The following ANKRD55 variants were observed in gnomAD, a reference collection of about 807,000 sequenced individuals.
The protein encoded by ANKRD55 is ankyrin repeat domain-containing protein 55.
A neutral mutation model predicts 60.6 loss-of-function variants in ANKRD55; 41 were observed. The ratio of observed to expected loss-of-function variants is 0.68; its 90% CI spans 0.53 to 0.88. ANKRD55 has a LOEUF of 0.88. ANKRD55 is among the 40% of genes least tolerant of loss of function. ANKRD55 has a pLI of 0.00. For missense variants in ANKRD55, 732 were observed against 767.6 expected (o/e 0.95, Z 0.55); for synonymous variants, 264 against 290.3 (o/e 0.91, Z 0.92).
chr5:56,103,385 A>G (rs753405526), intron 10 of ANKRD55, among the ~76,000 whole-genome samples: 22 of 152,236 alleles, frequency 1.4e-4, no homozygotes, highest in Non-Finnish European at 1.6e-4. Context: ...TTAAACATTC[A>G]TCAATGTACT....
intron 2 of ANKRD55, among the ~76,000 whole-genome samples, chr5:56,195,525 C>T (rs2111849586): frequency 6.6e-6 from 1 of 152,294 alleles, no homozygotes; most frequent in Middle Eastern, 3.4e-3. Context: ...CTCACTGCAA[C>T]TTCTGCCTCC....
chr5:56,141,843 G>A (rs1457404253), intron 7 of ANKRD55, among the ~76,000 whole-genome samples: 6 of 152,122 alleles, frequency 3.9e-5, no homozygotes, highest in East Asian at 1.9e-4. Flanking sequence ...TACATAGTAC[G>A]TTACATATCA....
intron 2 of ANKRD55, among the ~76,000 whole-genome samples, chr5:56,197,071 G>T (rs964426479): frequency 2.0e-5 from 3 of 152,128 alleles, no homozygotes; most frequent in Admixed American, 2.0e-4. Context: ...CATGATTTTG[G>T]TGCAAATAGT....
intron 2 of ANKRD55, among the ~76,000 whole-genome samples, chr5:56,189,095 G>A (rs373945238): frequency 6.6e-6 from 1 of 152,076 alleles, no homozygotes; most frequent in African/African-American, 2.4e-5. Flanking sequence ...ATCATGTCAC[G>A]TGAAGAATGG....
At chr5:56,130,002 G>C (rs1468867563) in intron 7 of ANKRD55, among the ~76,000 whole-genome samples, 1 of 152,120 alleles carries the variant, frequency 6.6e-6, no homozygotes, top group Non-Finnish European at 1.5e-5. Flanking sequence ...TGAGGGTCTG[G>C]GGCTAACTAG....
chr5:56,178,897 TG>T (rs1758797449), intron 3 of ANKRD55, among the ~76,000 whole-genome samples: 1 of 152,070 alleles, frequency 6.6e-6, no homozygotes, highest in Admixed American at 6.5e-5. Flanking sequence ...ACATCTGAAA[TG>T]CCAGGTGTTG....
chr5:56,109,652 A>G (rs1756613919), intron 10 of ANKRD55, among the ~76,000 whole-genome samples: 1 of 152,156 alleles, frequency 6.6e-6, no homozygotes, highest in South Asian at 2.1e-4. Flanking sequence ...GATCATTTAA[A>G]AAATAAAAAT....
intron 2 of ANKRD55, among the ~76,000 whole-genome samples, chr5:56,226,973 C>A (rs1760128345): frequency 6.6e-6 from 1 of 152,166 alleles, no homozygotes; most frequent in Non-Finnish European, 1.5e-5. Context: ...TTTGACCCAG[C>A]CATCCCATTA....
chr5:56,110,116 G>T (rs1429815829), intron 10 of ANKRD55, among the ~76,000 whole-genome samples: 1 of 151,258 alleles, frequency 6.6e-6, no homozygotes, highest in African/African-American at 2.4e-5. Flanking sequence ...AAATTCTTAG[G>T]CTTGGTGTGG....
rs1338360502 is a variant in ANKRD55 at position 56,127,108 on chromosome 5, T to G, written c.613-2A>C. The G allele has an allele frequency of 6.3e-7, 1 of 1,596,404 alleles. No homozygotes were observed. Among genetic ancestry groups the G allele is most frequent in the East Asian group, 2.3e-5 (1 of 44,352 alleles). ...GGAGCACAGAATCCTATTTCCACTC[T>G]GGAAAAGAGAGTCAAAGAAAGCCCA... On this transcript the variant is annotated splice_acceptor_variant, in intron 7 of 11. Coordinates refer to ENST00000341048, the MANE Select transcript of ANKRD55 (RefSeq NM_024669.3). LOFTEE classifies it high-confidence loss of function.
intron 7 of ANKRD55, among the ~76,000 whole-genome samples, chr5:56,129,785 T>G (rs1757362918): frequency 6.6e-6 from 1 of 152,194 alleles, no homozygotes; most frequent in Admixed American, 6.5e-5. Flanking sequence ...GGGATGTGTT[T>G]GCATTGCTTG....
chr5:56,203,025 T>A (rs1295377598), intron 2 of ANKRD55, among the ~76,000 whole-genome samples: 1 of 152,198 alleles, frequency 6.6e-6, no homozygotes, highest in African/African-American at 2.4e-5. Context: ...GCCTTTAGGA[T>A]GGAGGCAATA....
chr5:56,160,842 G>T (rs940055501), intron 5 of ANKRD55: 3 of 152,208 alleles, frequency 2.0e-5, no homozygotes, highest in Non-Finnish European at 2.9e-5. Context: ...CTGGGAGAGG[G>T]GGGCAGCCGA....
At position 56,100,027 on chromosome 5, in the gene ANKRD55, T is replaced by A; in HGVS notation, c.*156A>T. ...ATTCTAAGTGCTTATTTAGGGAGTA[T>A]CTTTATTTGGAATAAAGAATTTCGA... On this transcript the variant is annotated 3_prime_UTR_variant, in exon 12 of 12. Coordinates refer to ENST00000341048, the MANE Select transcript of ANKRD55 (RefSeq NM_024669.3). The A allele has an allele frequency of 1.0e-6, 1 of 983,256 alleles. No individual in the cohort carries two copies. The highest frequency in any genetic ancestry group is 1.5e-6 in the Non-Finnish European group (1 of 660,070). The allele number at this position is 983,256 out of a possible 1,614,324, so 60.9% of individuals were successfully genotyped here.
rs142447793 is a variant in ANKRD55, at chr5:56,232,745, A to AACACACACACAC, written c.58+99_58+110dup. ...ATACTCATGCACACCCACGCACATG[A>AACACACACACAC]ACACACACACACACACACACACACT... On this transcript the variant is annotated intron_variant, in intron 2 of 11. Coordinates refer to ENST00000341048, the MANE Select transcript of ANKRD55 (RefSeq NM_024669.3). 328 of 871,570 alleles carry AACACACACACAC rather than the reference A, an allele frequency of 3.8e-4. 2 individuals carry two copies. Among genetic ancestry groups the AACACACACACAC allele is most frequent in the Middle Eastern group, 3.7e-3 (14 of 3,828 alleles). 54.0% of individuals were successfully genotyped at this position (871,570 alleles called of 1,614,324 possible).
Position 56,183,591 on chromosome 5 carries a change from T to C in ANKRD55, c.102A>G (p.Ala34=). The stretch of plus-strand genomic sequence containing the variant: ...GAGCATTGACATCTCCATTAGAGGC[T>C]GCTTGATAAACCATGGTCAGGTCAA... The part of the protein sequence containing the change: ...EEVDLTMVYQ[A]ASNGDVNALT... Residue 34 remains alanine (A), a synonymous_variant, in exon 3 of 12, where the codon GCA becomes GCG. Coordinates refer to ENST00000341048, the MANE Select transcript of ANKRD55 (RefSeq NM_024669.3). The C allele has an allele frequency of 1.2e-6, 2 of 1,614,244 alleles. No homozygotes were observed. Among genetic ancestry groups the C allele is most frequent in the Middle Eastern group, 3.3e-4 (2 of 6,062 alleles).
At chr5:56,228,764 A>T (rs1337777812) in intron 2 of ANKRD55, among the ~76,000 whole-genome samples, 1 of 152,124 alleles carries the variant, frequency 6.6e-6, no homozygotes, top group Non-Finnish European at 1.5e-5. Flanking sequence ...GGGCACCAGA[A>T]CTGTGAGAGG....
chr5:56,218,736 G>A (rs1320692839), intron 2 of ANKRD55, among the ~76,000 whole-genome samples: 2 of 151,996 alleles, frequency 1.3e-5, no homozygotes, highest in Non-Finnish European at 2.9e-5. Context: ...TAGGTCAATA[G>A]ACAAAATTAG....
intron 3 of ANKRD55, among the ~76,000 whole-genome samples, chr5:56,176,917 A>G (rs1758749300): frequency 6.6e-6 from 1 of 152,188 alleles, no homozygotes; most frequent in Non-Finnish European, 1.5e-5. Context: ...GGTGCTTCTT[A>G]TTCCTTCAGG....
Sources: allele counts gnomAD v4.1 joint callset (sites outside exome capture counted in the v4.1 genomes callset), GRCh38; gene constraint gnomAD v4.1.1; transcripts MANE v1.5; gene names NCBI Gene and HGNC (gene_info 2026-07-23, HGNC 2026-07-21).